ERBB4: variants seen among roughly 807,000 people sequenced by gnomAD.
ERBB4 encodes erb-b2 receptor tyrosine kinase 4, also known as receptor tyrosine-protein kinase erbB-4.
A neutral mutation model predicts 158.0 loss-of-function variants in ERBB4; 42 were observed. That is an observed-to-expected ratio of 0.27 (90% CI 0.21 to 0.34). ERBB4 has a LOEUF of 0.34. Among genes scored for constraint, ERBB4 ranks in the 10% least tolerant of loss-of-function variants. The pLI is 1.00. For synonymous variants in ERBB4, 583 were observed against 558.7 expected, an observed-to-expected ratio of 1.04 and a Z score of -0.61; for missense variants, 1,333 against 1,624.1, an observed-to-expected ratio of 0.82 and a Z score of 3.08.
intron 1 of ERBB4, among the ~76,000 whole-genome samples, chr2:212,132,817 A>G (rs750263172): frequency 1.3e-5 from 2 of 152,086 alleles, no homozygotes; most frequent in South Asian, 2.1e-4. Flanking sequence ...GTGTGTGTGT[A>G]TATATACTTG....
At chr2:212,368,909 G>A (rs1325901391) in intron 1 of ERBB4, among the ~76,000 whole-genome samples, 1 of 152,072 alleles carries the variant, frequency 6.6e-6, no homozygotes, top group Non-Finnish European at 1.5e-5. Flanking sequence ...TGCGGCCCGT[G>A]GACCAGCAGC....
rs1371844355 is a variant in ERBB4, at chr2:211,377,335, G to T, written c.*6280C>A. 4 of 233,184 alleles carry T rather than the reference G, an allele frequency of 1.7e-5. No individual in the cohort carries two copies. The East Asian group carries it at 2.4e-4, about 14-fold the overall frequency. The allele number at this position is 233,184 out of a possible 1,614,324, so 14.4% of individuals were successfully genotyped here. A position where few individuals can be genotyped will look rare whatever the true frequency, so the allele number is the denominator to read the frequency against. On this transcript the variant is annotated 3_prime_UTR_variant, in exon 28 of 28. Transcript: ENST00000342788. ...ATAAAAATAGCAGTAAAGGCAAAGT[G>T]GTTTGGACAAGTTAGACTATTGCCT...
At position 212,004,118 on chromosome 2, in the gene ERBB4, T is replaced by C. The variant is rs569430224; in HGVS notation, c.235-56502A>G. Among the ~76,000 whole-genome samples the C allele has an allele frequency of 4.6e-5, 7 of 152,218 alleles. No individual in the cohort carries two copies. The South Asian group carries it at 8.3e-4, about 18-fold the overall frequency. Reference sequence around the variant, plus strand: ...GCAGGAATATTTTTATGATAATAGATAAAATAAACTATGGGAAATGGAAAC... The same window carrying C: ...GCAGGAATATTTTTATGATAATAGACAAAATAAACTATGGGAAATGGAAAC... On this transcript the variant is annotated intron_variant, in intron 2 of 27. Transcript: ENST00000342788.
In ERBB4 at chr2:212,179,052, T is replaced by G. The variant is rs1370773424; in HGVS notation, c.83-54149A>C. On this transcript the variant is annotated intron_variant, in intron 1 of 27. Coordinates refer to ENST00000342788, the MANE Select transcript of ERBB4 (RefSeq NM_005235.3). ...ATCTTTTTAGCAGTGTCTCTTAAAT[T>G]ACATTGAAATGAATGAAACTTTTAC... Among the ~76,000 whole-genome samples, 3 of 151,814 alleles carry G rather than the reference T, an allele frequency of 2.0e-5. No individual in the cohort carries two copies. The East Asian group carries it at 5.8e-4, about 29-fold the overall frequency.
At chr2:212,291,428 A>C (rs2086202299) in intron 1 of ERBB4, among the ~76,000 whole-genome samples, 1 of 152,134 alleles carries the variant, frequency 6.6e-6, no homozygotes. Flanking sequence ...TTTTTAATGG[A>C]AAGTGAACAA....
At chr2:212,266,646 T>C (rs1258925678) in intron 1 of ERBB4, among the ~76,000 whole-genome samples, 1 of 152,014 alleles carries the variant, frequency 6.6e-6, no homozygotes, top group Non-Finnish European at 1.5e-5. Flanking sequence ...AAAAGCCTCA[T>C]ATTTCACCTG....
chr2:211,889,914 C>A (rs1427994270), intron 3 of ERBB4, among the ~76,000 whole-genome samples: 1 of 137,136 alleles, frequency 7.3e-6, no homozygotes, highest in Non-Finnish European at 1.6e-5. Flanking sequence ...GTGAAAAGAC[C>A]AAATCTACGT....
chr2:212,262,995 T>C (rs2084999624), intron 1 of ERBB4, among the ~76,000 whole-genome samples: 1 of 152,088 alleles, frequency 6.6e-6, no homozygotes, highest in Admixed American at 6.5e-5. Context: ...AATTTGCAGA[T>C]GTGATTAAGG....
intron 1 of ERBB4, among the ~76,000 whole-genome samples, chr2:212,266,832 TA>T (rs1288797064): frequency 6.6e-6 from 1 of 151,924 alleles, no homozygotes; most frequent in African/African-American, 2.4e-5. Flanking sequence ...ATAAAAAGGT[TA>T]AAAAAACACA....
chr2:212,169,868 T>C (rs2081461899), intron 1 of ERBB4, among the ~76,000 whole-genome samples: 1 of 152,186 alleles, frequency 6.6e-6, no homozygotes, highest in Admixed American at 6.5e-5. Flanking sequence ...CCTTCCTCCA[T>C]GATTGTAGGT....
intron 4 of ERBB4, among the ~76,000 whole-genome samples, chr2:211,774,200 G>A (rs2075814797): frequency 6.6e-6 from 1 of 151,790 alleles, no homozygotes; most frequent in Non-Finnish European, 1.5e-5. Context: ...AGCCTCCCGA[G>A]TAGCTGGGAT....
At chr2:211,851,024 C>T (rs909138009) in intron 3 of ERBB4, among the ~76,000 whole-genome samples, 1 of 151,898 alleles carries the variant, frequency 6.6e-6, no homozygotes, top group Non-Finnish European at 1.5e-5. Flanking sequence ...TAATCTGCAG[C>T]TGATCTTAAA....
chr2:211,763,448 G>A (rs908666563), intron 4 of ERBB4, among the ~76,000 whole-genome samples: 4 of 152,144 alleles, frequency 2.6e-5, no homozygotes, highest in Non-Finnish European at 4.4e-5. Flanking sequence ...GTTCCTAACA[G>A]TGTTCAAAAC....
chr2:211,678,334 A>T (rs2072182427), intron 13 of ERBB4, among the ~76,000 whole-genome samples: 1 of 151,556 alleles, frequency 6.6e-6, no homozygotes, highest in African/African-American at 2.4e-5. Flanking sequence ...AAAAAAAACA[A>T]GAAAACTTGC....
intron 1 of ERBB4, among the ~76,000 whole-genome samples, chr2:212,423,881 G>A (rs982101174): frequency 1.3e-5 from 2 of 152,152 alleles, no homozygotes; most frequent in African/African-American, 4.8e-5. Context: ...CTACAGGAGA[G>A]TGTGCCTATG....
At chr2:211,934,875 T>G (rs2080271217) in intron 3 of ERBB4, among the ~76,000 whole-genome samples, 1 of 129,842 alleles carries the variant, frequency 7.7e-6, no homozygotes, top group Non-Finnish European at 1.6e-5. Flanking sequence ...TCTTTTAGAA[T>G]CATTTCATTT....
intron 1 of ERBB4, among the ~76,000 whole-genome samples, chr2:212,306,020 T>C (rs1319178098): frequency 2.6e-5 from 4 of 151,500 alleles, no homozygotes; most frequent in African/African-American, 7.3e-5. Context: ...TGGTTGTTTA[T>C]GCACAAACAG....
intron 4 of ERBB4, among the ~76,000 whole-genome samples, chr2:211,765,234 GACACTAGGCT>G (rs2075523382): frequency 6.6e-6 from 1 of 152,098 alleles, no homozygotes; most frequent in Non-Finnish European, 1.5e-5. Context: ...CTTGAGCTCA[GACACTAGGCT>G]ACCTTTCAAA....
chr2:211,910,693 T>C (rs565765581), intron 3 of ERBB4, among the ~76,000 whole-genome samples: 1 of 152,160 alleles, frequency 6.6e-6, no homozygotes, highest in Non-Finnish European at 1.5e-5. Flanking sequence ...TTTACCTATA[T>C]AACAAACGGC....
Sources: allele counts gnomAD v4.1 joint callset (sites outside exome capture counted in the v4.1 genomes callset), GRCh38; gene constraint gnomAD v4.1.1; transcripts MANE v1.5; gene names NCBI Gene and HGNC (gene_info 2026-07-23, HGNC 2026-07-21).